DIAPH2: variants seen among roughly 807,000 people sequenced by gnomAD.
DIAPH2 encodes diaphanous related formin 2, also known as protein diaphanous homolog 2.
Under a neutral mutation model 92.7 loss-of-function variants are expected in DIAPH2, and 35 were observed. The observed-to-expected ratio is 0.38, with a 90% CI of 0.29 to 0.50. The LOEUF is 0.50. DIAPH2 is among the 20% of genes least tolerant of loss of function. DIAPH2 has a pLI of 0.94. For missense variants in DIAPH2, 701 were observed against 819.5 expected, an observed-to-expected ratio of 0.86 and a Z score of 1.77; for synonymous variants, 301 against 280.4, an observed-to-expected ratio of 1.07 and a Z score of -0.73.
chrX:97,454,594 G>A (rs1307080322), intron 26 of DIAPH2, among the ~76,000 whole-genome samples: 2 of 110,886 alleles, frequency 1.8e-5, no homozygotes, highest in East Asian at 2.8e-4. Context: ...GGTGACTCAC[G>A]CCTGTAATCC....
intron 1 of DIAPH2, among the ~76,000 whole-genome samples, chrX:96,696,321 C>G (rs902606878): frequency 8.9e-6 from 1 of 112,147 alleles, no homozygotes; most frequent in Non-Finnish European, 1.9e-5. Flanking sequence ...TGACTCTGGA[C>G]AAGTCTTTTA....
chrX:96,810,102 C>T (rs1333058581), intron 4 of DIAPH2, among the ~76,000 whole-genome samples: 1 of 112,175 alleles, frequency 8.9e-6, no homozygotes, highest in African/African-American at 3.2e-5. Context: ...CACTGTCTTC[C>T]ACAACGGTTG....
chrX:97,163,015 A>G (rs751341616), intron 22 of DIAPH2, among the ~76,000 whole-genome samples: 2 of 110,949 alleles, frequency 1.8e-5, no homozygotes, highest in Admixed American at 9.6e-5. Flanking sequence ...CTGATTCGCA[A>G]TTTCTTCACT....
At chrX:96,803,108 C>A (rs1263125247) in intron 4 of DIAPH2, among the ~76,000 whole-genome samples, 1 of 111,011 alleles carries the variant, frequency 9.0e-6, no homozygotes, top group East Asian at 2.8e-4. Context: ...AGTCCACTGA[C>A]TCAAATGTTA....
intron 24 of DIAPH2, among the ~76,000 whole-genome samples, chrX:97,359,570 C>CTT (rs1162203236): frequency 0.012 from 792 of 66,673 alleles, 28 homozygotes; most frequent in African/African-American, 0.039. Flanking sequence ...CATGGATAAT[C>CTT]TTTTTTTTTT....
At chrX:97,239,423 T>G (rs1384964837) in intron 22 of DIAPH2, among the ~76,000 whole-genome samples, 1 of 111,906 alleles carries the variant, frequency 8.9e-6, no homozygotes, top group African/African-American at 3.2e-5. Context: ...AAGTTTCTCC[T>G]ACATATAACT....
In DIAPH2 at chrX:97,025,075, G is replaced by T. The variant is rs141248713; in HGVS notation, c.2051-47866G>T. 7.1e-3 allele frequency among the ~76,000 whole-genome samples: 803 copies of T among 112,545 alleles called. 4 individuals are homozygous for T. Among genetic ancestry groups the T allele is most frequent in the African/African-American group, 0.025 (763 of 30,957 alleles). On this transcript the variant is annotated intron_variant, in intron 17 of 26. Coordinates refer to ENST00000324765, the MANE Select transcript of DIAPH2 (RefSeq NM_006729.5). ...CTTAAGAGTTACCTACCCAGGCTGGGTGCGGTGGCTCACGCCTGTAATCCC... is the reference window on the plus strand; with the variant it reads ...CTTAAGAGTTACCTACCCAGGCTGGTTGCGGTGGCTCACGCCTGTAATCCC...
chrX:96,883,285 G>T (rs926409462), intron 5 of DIAPH2, among the ~76,000 whole-genome samples: 3 of 111,395 alleles, frequency 2.7e-5, no homozygotes, highest in Non-Finnish European at 3.8e-5. Context: ...TTAAAAGCCA[G>T]TGTTAAGATG....
intron 23 of DIAPH2, among the ~76,000 whole-genome samples, chrX:97,298,415 T>G (rs778321633): frequency 9.2e-6 from 1 of 108,459 alleles, no homozygotes; most frequent in Admixed American, 1.0e-4. Flanking sequence ...TATCTAATGC[T>G]ACTTAAATTG....
rs377554048 is a variant in DIAPH2, at chrX:97,448,238, C to T, written c.3241+18493C>T. ...ATTAATTTTAGATTACACAGAACCA[C>T]ATCTTCATTATTAAAGTCAGAAATT... On this transcript the variant is annotated intron_variant, in intron 26 of 26. Coordinates refer to ENST00000324765, the MANE Select transcript of DIAPH2 (RefSeq NM_006729.5). Among the ~76,000 whole-genome samples the T allele has an allele frequency of 5.4e-5, 6 of 111,996 alleles. No homozygotes were observed. In the East Asian group the frequency reaches 1.7e-3, roughly 31 times the overall value.
chrX:96,856,454 T>C (rs992235107), intron 4 of DIAPH2, among the ~76,000 whole-genome samples: 3 of 108,033 alleles, frequency 2.8e-5, no homozygotes, highest in African/African-American at 6.7e-5. Flanking sequence ...TTTTTTTTTT[T>C]CCTTTGTGCT....
At chrX:97,398,114 C>T (rs137877803) in intron 25 of DIAPH2, among the ~76,000 whole-genome samples, 210 of 112,410 alleles carry the variant, frequency 1.9e-3, no homozygotes, top group African/African-American at 6.7e-3. Context: ...ATGAAACTAC[C>T]TCCCCTGTGT....
intron 7 of DIAPH2, among the ~76,000 whole-genome samples, chrX:96,915,411 CTT>C (rs758048866): frequency 9.9e-6 from 1 of 100,718 alleles, no homozygotes. Context: ...CTTGCATTTT[CTT>C]TTTTTTTTTG....
intron 21 of DIAPH2, among the ~76,000 whole-genome samples, chrX:97,123,378 C>T (rs1422232379): frequency 1.8e-5 from 2 of 111,686 alleles, no homozygotes; most frequent in Non-Finnish European, 3.8e-5. Context: ...ATCAATACAC[C>T]AAAATATGTA....
At chrX:96,967,162 T>C (rs1012767330) in intron 17 of DIAPH2, among the ~76,000 whole-genome samples, 1 of 111,146 alleles carries the variant, frequency 9.0e-6, no homozygotes, top group Non-Finnish European at 1.9e-5. Flanking sequence ...GCATAGTACT[T>C]GACCATTAGT....
chrX:97,265,325 A>C (rs1045814966), intron 23 of DIAPH2, among the ~76,000 whole-genome samples: 1 of 112,096 alleles, frequency 8.9e-6, no homozygotes, highest in Non-Finnish European at 1.9e-5. Flanking sequence ...AAGAGAGTCA[A>C]ATATTTCCTA....
At chrX:97,038,102 A>T (rs765653840) in intron 17 of DIAPH2, among the ~76,000 whole-genome samples, 6 of 111,516 alleles carry the variant, frequency 5.4e-5, no homozygotes, top group Non-Finnish European at 1.1e-4. Flanking sequence ...AAGTGACAAC[A>T]TGCAGTATTT....
At chrX:97,391,761 C>T (rs967292942) in intron 25 of DIAPH2, among the ~76,000 whole-genome samples, 11 of 110,450 alleles carry the variant, frequency 1.0e-4, no homozygotes, top group African/African-American at 3.3e-4. Flanking sequence ...TATATACATT[C>T]ATCAAGGAGA....
intron 22 of DIAPH2, among the ~76,000 whole-genome samples, chrX:97,245,305 CTTATTTATTTAT>C (rs759962311): frequency 9.2e-6 from 1 of 108,648 alleles, no homozygotes; most frequent in South Asian, 4.0e-4. Flanking sequence ...ACCCAGCTTG[CTTATTTATTTAT>C]TTATTTATTT....
Sources: allele counts gnomAD v4.1 joint callset (sites outside exome capture counted in the v4.1 genomes callset), GRCh38; gene constraint gnomAD v4.1.1; transcripts MANE v1.5; gene names NCBI Gene and HGNC (gene_info 2026-07-23, HGNC 2026-07-21).